PDGFD: variants seen among roughly 807,000 people sequenced by gnomAD.
PDGFD encodes the protein platelet-derived growth factor D.
PDGFD carries 30 observed loss-of-function variants against 44.7 expected under a neutral mutation model. The observed-to-expected ratio is 0.67, with a 90% confidence interval of 0.50 to 0.91. The LOEUF is 0.91. Among genes scored for constraint, PDGFD ranks in the 40% least tolerant of loss-of-function variants. PDGFD has a pLI of 0.00. For missense variants in PDGFD, 445 were observed against 457.8 expected (o/e 0.97, Z 0.25); for synonymous variants, 173 against 168.4 (o/e 1.03, Z -0.21).
At chr11:104,029,717 G>A (rs1406282523) in intron 1 of PDGFD, among the ~76,000 whole-genome samples, 1 of 152,226 alleles carries the variant, frequency 6.6e-6, no homozygotes, top group Non-Finnish European at 1.5e-5. Flanking sequence ...GTCTTGGCCA[G>A]TGGCTAGATC....
chr11:104,101,414 C>A (rs1453006342), intron 1 of PDGFD, among the ~76,000 whole-genome samples: 1 of 152,028 alleles, frequency 6.6e-6, no homozygotes, highest in East Asian at 1.9e-4. Flanking sequence ...AGGACCTCTT[C>A]AAGGGGAACT....
chr11:104,109,792 C>A (rs1861525926), intron 1 of PDGFD, among the ~76,000 whole-genome samples: 1 of 151,924 alleles, frequency 6.6e-6, no homozygotes, highest in East Asian at 1.9e-4. Flanking sequence ...AAGAATGTTG[C>A]AAAGTAGTCC....
At chr11:104,078,349 T>A (rs985368746) in intron 1 of PDGFD, among the ~76,000 whole-genome samples, 1 of 152,180 alleles carries the variant, frequency 6.6e-6, no homozygotes, top group Non-Finnish European at 1.5e-5. Context: ...GGTCTCTATA[T>A]ACACCCATCA....
intron 1 of PDGFD, among the ~76,000 whole-genome samples, chr11:104,086,192 T>C (rs1008291010): frequency 1.3e-5 from 2 of 152,106 alleles, no homozygotes; most frequent in Non-Finnish European, 2.9e-5. Flanking sequence ...AGTACATCTT[T>C]AGTGAGTAGA....
chr11:103,968,953 C>G (rs1859060130), intron 3 of PDGFD, among the ~76,000 whole-genome samples: 2 of 152,142 alleles, frequency 1.3e-5, no homozygotes. Flanking sequence ...AGGCTATTCT[C>G]TTTGCATGGA....
chr11:104,101,971 A>G (rs1368593695), intron 1 of PDGFD, among the ~76,000 whole-genome samples: 1 of 152,048 alleles, frequency 6.6e-6, no homozygotes, highest in South Asian at 2.1e-4. Flanking sequence ...AACCATAAAA[A>G]CCCTAGAAGA....
chr11:103,925,154 A>G (rs1017452124), intron 6 of PDGFD, among the ~76,000 whole-genome samples: 11 of 152,180 alleles, frequency 7.2e-5, no homozygotes, highest in African/African-American at 2.7e-4. Context: ...TTAAGGCTGC[A>G]AAGTATTCCA....
intron 1 of PDGFD, among the ~76,000 whole-genome samples, chr11:104,062,667 T>C (rs1860732981): frequency 6.6e-6 from 1 of 152,220 alleles, no homozygotes; most frequent in Admixed American, 6.5e-5. Flanking sequence ...TACATTATTA[T>C]GCTACTACAA....
chr11:104,029,545 A>G (rs1342273621), intron 1 of PDGFD, among the ~76,000 whole-genome samples: 1 of 152,234 alleles, frequency 6.6e-6, no homozygotes, highest in Admixed American at 6.5e-5. Context: ...AATTCATAAA[A>G]TATCTAAATG....
chr11:103,953,797 T>C (rs912200302), intron 3 of PDGFD, among the ~76,000 whole-genome samples: 1 of 152,260 alleles, frequency 6.6e-6, no homozygotes, highest in African/African-American at 2.4e-5. Context: ...TTCTTGTAGA[T>C]ACGTTTCTCA....
intron 1 of PDGFD, among the ~76,000 whole-genome samples, chr11:104,067,473 T>C (rs1433315033): frequency 2.0e-5 from 3 of 152,170 alleles, no homozygotes; most frequent in Non-Finnish European, 4.4e-5. Context: ...AAAATCTTTC[T>C]ATTAGAATTC....
At chr11:103,933,028 T>C (rs1296209110) in intron 5 of PDGFD, among the ~76,000 whole-genome samples, 1 of 152,094 alleles carries the variant, frequency 6.6e-6, no homozygotes, top group Non-Finnish European at 1.5e-5. Flanking sequence ...GTGGCACACA[T>C]GGTAGAGCAT....
At chr11:103,956,304 C>G (rs1405333006) in intron 3 of PDGFD, among the ~76,000 whole-genome samples, 4 of 151,014 alleles carry the variant, frequency 2.6e-5, no homozygotes, top group Admixed American at 2.6e-4. Context: ...TGAGTGAGAA[C>G]AGGCGGTGTT....
chr11:104,159,322 A>T (rs561036711), intron 1 of PDGFD, among the ~76,000 whole-genome samples: 1 of 152,168 alleles, frequency 6.6e-6, no homozygotes, highest in Admixed American at 6.5e-5. Context: ...AGAAAGATCA[A>T]TGTATTCCCT....
At chr11:104,035,062 G>A (rs1459619380) in intron 1 of PDGFD, among the ~76,000 whole-genome samples, 1 of 152,134 alleles carries the variant, frequency 6.6e-6, no homozygotes, top group African/African-American at 2.4e-5. Flanking sequence ...GTGTAAGTGG[G>A]GGTGGGGGAG....
At chr11:104,025,319 C>A (rs1277568859) in intron 1 of PDGFD, among the ~76,000 whole-genome samples, 1 of 152,174 alleles carries the variant, frequency 6.6e-6, no homozygotes, top group African/African-American at 2.4e-5. Context: ...AGATTTTGAC[C>A]AGATGGTATG....
chr11:104,150,496 C>T (rs549211067), intron 1 of PDGFD, among the ~76,000 whole-genome samples: 11 of 152,238 alleles, frequency 7.2e-5, no homozygotes, highest in South Asian at 2.1e-4. Context: ...TTTCCTGTAG[C>T]GGCTGTAACA....
chr11:104,067,867 T>C (rs1413223157), intron 1 of PDGFD, among the ~76,000 whole-genome samples: 2 of 152,112 alleles, frequency 1.3e-5, no homozygotes, highest in Non-Finnish European at 2.9e-5. Flanking sequence ...ATAAGAAAAA[T>C]GTATTAAACC....
intron 1 of PDGFD, among the ~76,000 whole-genome samples, chr11:104,009,566 G>A (rs1279338740): frequency 2.0e-5 from 3 of 151,894 alleles, no homozygotes; most frequent in African/African-American, 7.3e-5. Flanking sequence ...GACAATGTGC[G>A]GTGTTTTGTT....
Sources: gnomAD v4.1 joint callset for allele counts (sites outside exome capture counted in the v4.1 genomes callset) on GRCh38, gnomAD v4.1.1 for gene constraint, MANE v1.5 for transcripts, NCBI Gene and HGNC (gene_info 2026-07-23, HGNC 2026-07-21) for gene names.